Variants in ZDHHC17 observed in about 807,000 individuals in gnomAD.
The protein encoded by ZDHHC17 is zDHHC palmitoyltransferase 17, also known as palmitoyltransferase ZDHHC17.
A neutral mutation model predicts 90.3 loss-of-function variants in ZDHHC17; 40 were observed. The observed-to-expected ratio is 0.44, with a 90% CI of 0.34 to 0.58. The LOEUF (loss-of-function observed/expected upper bound fraction) is 0.58, where lower values mean the gene tolerates loss of function less well. Among genes scored for constraint, ZDHHC17 ranks in the 20% least tolerant of loss-of-function variants. The probability of loss-of-function intolerance (pLI) is 0.01; values close to 1 mark genes in which losing one functional copy is unlikely to be tolerated. For synonymous variants in ZDHHC17, 235 were observed against 252.4 expected, an observed-to-expected ratio of 0.93 and a Z score of 0.65; for missense variants, 614 against 780.8, an observed-to-expected ratio of 0.79 and a Z score of 2.55.
In ZDHHC17 at chr12:76,847,631, G is replaced by C. The variant is rs115280433; in HGVS notation, c.1508-602G>C. On this transcript the variant is annotated intron_variant, in intron 14 of 16. Transcript: ENST00000426126. ...AACTTTGGGAGGCAGAGGCAGGTGG[G>C]CCAGTTGAGGCCAGGAGTTTGAGAC... is the stretch of plus-strand genomic sequence containing the variant. Among the ~76,000 whole-genome samples the C allele has an allele frequency of 3.0e-3, 459 of 152,278 alleles. 4 individuals carry two copies. The highest frequency in any genetic ancestry group is 0.011 in the African/African-American group (439 of 41,538).
At chr12:76,848,144 A>G in intron 14 of ZDHHC17, 89 bp from the exon 15 acceptor site, 1 of 1,381,808 alleles carries the variant, frequency 7.2e-7, no homozygotes, top group South Asian at 1.4e-5. Context: ...CTGTTTGACT[A>G]TGTTTTCTAA....
At chr12:76,841,743 T>C (rs1953438055) in intron 10 of ZDHHC17, among the ~76,000 whole-genome samples, 1 of 152,134 alleles carries the variant, frequency 6.6e-6, no homozygotes, top group Non-Finnish European at 1.5e-5. Context: ...AAATTAGTCA[T>C]TTAAAAATTT....
At chr12:76,800,926 C>T (rs1285115891) in intron 2 of ZDHHC17, among the ~76,000 whole-genome samples, 5 of 130,244 alleles carry the variant, frequency 3.8e-5, no homozygotes, top group Admixed American at 9.4e-5. Context: ...CTTGCTCTAT[C>T]GCCTAGGCTG....
chr12:76,777,851 A>G (rs77713920), intron 1 of ZDHHC17, among the ~76,000 whole-genome samples: 1 of 152,212 alleles, frequency 6.6e-6, no homozygotes, highest in Non-Finnish European at 1.5e-5. Flanking sequence ...GGTGAGACAC[A>G]TGAGGAAGTG....
intron 5 of ZDHHC17, among the ~76,000 whole-genome samples, chr12:76,810,729 CT>C: frequency 6.6e-6 from 1 of 152,172 alleles, no homozygotes; most frequent in African/African-American, 2.4e-5. Context: ...TTGTCTGTTA[CT>C]GTGTTAAAAA....
intron 7 of ZDHHC17, among the ~76,000 whole-genome samples, chr12:76,820,319 CAA>C (rs1167122786): frequency 6.6e-6 from 1 of 152,012 alleles, no homozygotes; most frequent in East Asian, 1.9e-4. Context: ...ACAGGGGAAA[CAA>C]ATGATTTGGA....
intron 1 of ZDHHC17, among the ~76,000 whole-genome samples, chr12:76,793,718 A>C (rs867524681): frequency 1.1e-4 from 16 of 152,290 alleles, no homozygotes; most frequent in African/African-American, 3.8e-4. Context: ...TTAGCCTCTC[A>C]GTCGTGGATT....
chr12:76,835,178 G>A (rs1953349046), intron 10 of ZDHHC17, among the ~76,000 whole-genome samples: 1 of 151,560 alleles, frequency 6.6e-6, no homozygotes, highest in Admixed American at 6.6e-5. Context: ...AGCCTCCTAA[G>A]TAGTTGGAAT....
intron 13 of ZDHHC17, 79 bp from the exon 14 acceptor site, chr12:76,846,517 T>C: frequency 1.9e-6 from 2 of 1,048,238 alleles, no homozygotes; most frequent in Non-Finnish European, 2.9e-6. Flanking sequence ...AGCACACCTT[T>C]CATGGCATAC....
intron 5 of ZDHHC17, 37 bp from the exon 6 acceptor site, chr12:76,815,109 T>C: frequency 6.7e-7 from 1 of 1,488,730 alleles, no homozygotes; most frequent in East Asian, 2.5e-5. Flanking sequence ...GAACTTATAA[T>C]TTAACTGTCT....
chr12:76,781,404 ACTTATGTT>A (rs1565763346), intron 1 of ZDHHC17, among the ~76,000 whole-genome samples: 2 of 152,188 alleles, frequency 1.3e-5, no homozygotes, highest in Non-Finnish European at 2.9e-5. Context: ...CTCCTCTAAA[ACTTATGTT>A]GAAAGTTAAT....
At chr12:76,813,000 TA>T (rs2137766398) in intron 5 of ZDHHC17, among the ~76,000 whole-genome samples, 1 of 152,266 alleles carries the variant, frequency 6.6e-6, no homozygotes, top group Admixed American at 6.5e-5. Flanking sequence ...TACCAAGTTT[TA>T]AATCCCGACC....
chr12:76,772,449 A>G (rs758743237), intron 1 of ZDHHC17, among the ~76,000 whole-genome samples: 2 of 152,012 alleles, frequency 1.3e-5, no homozygotes, highest in Non-Finnish European at 2.9e-5. Flanking sequence ...AGATGAACCT[A>G]CATTGATGCA....
rs1565783835 is a variant in ZDHHC17 at position 76,809,048 on chromosome 12, A to G, written c.326A>G (p.Tyr109Cys). The G allele has an allele frequency of 2.6e-6, 4 of 1,523,140 alleles. No homozygotes were observed. The highest frequency in any genetic ancestry group is 3.5e-6 in the Non-Finnish European group (4 of 1,135,484). The allele number at this position is 1,523,140 out of a possible 1,614,324, so 94.4% of individuals were successfully genotyped here. A position where few individuals can be genotyped will look rare whatever the true frequency, so the allele number is the denominator to read the frequency against. ...TTATAAATTTTGTCTTATAGATACTATATTTCGAAAGGTGCTATTGTGGAT... is the reference window on the plus strand; with the variant it reads ...TTATAAATTTTGTCTTATAGATACTGTATTTCGAAAGGTGCTATTGTGGAT... ...INNRIDLVKYYISKGAIVDQL... is the reference protein window; with the variant it reads ...INNRIDLVKYCISKGAIVDQL... The change falls in exon 4 of 17, where the codon TAT becomes TGT. Residue 109 changes from tyrosine (Y) to cysteine (C), a missense_variant. Coordinates refer to ENST00000426126, the MANE Select transcript of ZDHHC17 (RefSeq NM_015336.4).
chr12:76,782,505 T>C (rs2137725501), intron 1 of ZDHHC17, among the ~76,000 whole-genome samples: 1 of 152,280 alleles, frequency 6.6e-6, no homozygotes, highest in East Asian at 1.9e-4. Flanking sequence ...GAGCATTTCC[T>C]TTGGGCCAGG....
At chr12:76,809,927 G>A in intron 5 of ZDHHC17, 70 bp downstream of exon 5, 3 of 1,507,660 alleles carry the variant, frequency 2.0e-6, no homozygotes, top group East Asian at 2.4e-5. Context: ...AATATTATTG[G>A]TGTTGTAACA....
chr12:76,835,815 G>A (rs192308876), intron 10 of ZDHHC17, among the ~76,000 whole-genome samples: 257 of 151,914 alleles, frequency 1.7e-3, no homozygotes, highest in Non-Finnish European at 2.4e-3. Flanking sequence ...GACTTTAAAG[G>A]GTATCATCTT....
At chr12:76,827,444 G>T (rs111722447) in intron 9 of ZDHHC17, among the ~76,000 whole-genome samples, 2,876 of 152,146 alleles carry the variant, frequency 0.019, 39 homozygotes, top group Non-Finnish European at 0.027. Context: ...CAAGGAAGAG[G>T]TTTTATTTCT....
intron 2 of ZDHHC17, among the ~76,000 whole-genome samples, chr12:76,801,732 A>G (rs185112386): frequency 6.6e-6 from 1 of 152,344 alleles, no homozygotes; most frequent in Admixed American, 6.5e-5. Context: ...TAATGCCAAT[A>G]ACTTAATAAA....
Sources: gnomAD v4.1 joint callset for allele counts (sites outside exome capture counted in the v4.1 genomes callset) on GRCh38, gnomAD v4.1.1 for gene constraint, MANE v1.5 for transcripts, NCBI Gene and HGNC (gene_info 2026-07-23, HGNC 2026-07-21) for gene names.